The following SOX5 variants were observed in gnomAD, a reference collection of about 807,000 sequenced individuals.
SOX5 encodes transcription factor SOX-5.
Under a neutral mutation model 92.0 loss-of-function variants are expected in SOX5, and 9 were observed. The observed-to-expected ratio is 0.10, with a 90% CI of 0.06 to 0.17. The LOEUF (loss-of-function observed/expected upper bound fraction) is 0.17. Ranked by LOEUF, SOX5 falls within the 10% of genes least tolerant of loss-of-function variation. The pLI, the probability that SOX5 is intolerant of heterozygous loss-of-function variation, is 1.00. For synonymous variants in SOX5, 344 were observed against 336.3 expected, an observed-to-expected ratio of 1.02 and a Z score of -0.25; for missense variants, 642 against 944.5, an observed-to-expected ratio of 0.68 and a Z score of 4.20.
chr12:23,927,047 C>T (rs565143638), intron 1 of SOX5, among the ~76,000 whole-genome samples: 1 of 151,948 alleles, frequency 6.6e-6, no homozygotes, highest in Admixed American at 6.6e-5. Flanking sequence ...TTAGAACAAC[C>T]ACTATTAGAG....
chr12:23,653,023 TACAG>T (rs2081831849), intron 7 of SOX5, among the ~76,000 whole-genome samples: 1 of 95,084 alleles, frequency 1.1e-5, no homozygotes, highest in Admixed American at 1.0e-4. Flanking sequence ...TGGATGAATG[TACAG>T]ATAGATGGAT....
At chr12:23,945,836 T>G (rs762462420) in intron 1 of SOX5, among the ~76,000 whole-genome samples, 1 of 152,098 alleles carries the variant, frequency 6.6e-6, no homozygotes, top group Admixed American at 6.6e-5. Context: ...AACGGATTTT[T>G]TTGTTGTTGT....
chr12:24,321,823 CG>C (rs1050591123), intron 2 of SOX5, among the ~76,000 whole-genome samples: 3 of 151,912 alleles, frequency 2.0e-5, no homozygotes, highest in African/African-American at 7.3e-5. Flanking sequence ...AGAAATTAAG[CG>C]GGGGAAAAGT....
chr12:24,298,799 A>AAAAAAATAAATTTTTTT (rs1374379736), intron 2 of SOX5, among the ~76,000 whole-genome samples: 1 of 123,214 alleles, frequency 8.1e-6, no homozygotes, highest in Non-Finnish European at 2.0e-5. Flanking sequence ...AAAAAAAAAA[A>AAAAAAATAAATTTTTTT]ACTACATTTT....
intron 8 of SOX5, among the ~76,000 whole-genome samples, chr12:23,625,523 A>G (rs1318447110): frequency 9.2e-5 from 14 of 152,196 alleles, no homozygotes; most frequent in Non-Finnish European, 2.9e-5. Flanking sequence ...CATCCTTGCC[A>G]CTTGAAATCC....
At chr12:24,130,895 T>G (rs1366749992) in intron 4 of SOX5, among the ~76,000 whole-genome samples, 1 of 152,124 alleles carries the variant, frequency 6.6e-6, no homozygotes, top group African/African-American at 2.4e-5. Context: ...ACATACCAGC[T>G]CCATATTCCT....
At chr12:23,906,574 A>G (rs2138193182) in intron 1 of SOX5, among the ~76,000 whole-genome samples, 1 of 152,328 alleles carries the variant, frequency 6.6e-6, no homozygotes, top group East Asian at 1.9e-4. Flanking sequence ...GAGTTTCCCC[A>G]GATGCTCGGC....
chr12:23,578,146 A>AAAAAAAAC (rs1565984217), intron 9 of SOX5, among the ~76,000 whole-genome samples: 1 of 137,320 alleles, frequency 7.3e-6, no homozygotes, highest in Non-Finnish European at 1.6e-5. Flanking sequence ...AAAAAAAAAA[A>AAAAAAAAC]AAAACTATAG....
intron 4 of SOX5, among the ~76,000 whole-genome samples, chr12:24,007,215 A>T (rs1388628757): frequency 2.8e-5 from 1 of 35,960 alleles, no homozygotes; most frequent in African/African-American, 8.4e-5. Context: ...TTATATATAT[A>T]AATGTATATA....
intron 2 of SOX5, among the ~76,000 whole-genome samples, chr12:23,851,583 T>C (rs988126789): frequency 6.6e-6 from 1 of 152,168 alleles, no homozygotes; most frequent in African/African-American, 2.4e-5. Context: ...GTGTTTGTTA[T>C]AGTAATGATT....
chr12:23,921,932 A>G (rs1019838681), intron 1 of SOX5, among the ~76,000 whole-genome samples: 9 of 152,178 alleles, frequency 5.9e-5, no homozygotes, highest in African/African-American at 2.2e-4. Flanking sequence ...TTTCAAAGTA[A>G]AACTCCCTCA....
intron 4 of SOX5, among the ~76,000 whole-genome samples, chr12:23,997,654 T>C (rs907952898): frequency 6.6e-6 from 1 of 152,290 alleles, no homozygotes; most frequent in Non-Finnish European, 1.5e-5. Context: ...TCATAAACTA[T>C]CTGAACTTTC....
At chr12:24,000,320 C>G (rs1232524115) in intron 4 of SOX5, among the ~76,000 whole-genome samples, 1 of 151,742 alleles carries the variant, frequency 6.6e-6, no homozygotes, top group Non-Finnish European at 1.5e-5. Flanking sequence ...TCTCTCCAAA[C>G]TGTTTTAACA....
chr12:23,868,020 C>T (rs920437675), intron 2 of SOX5, among the ~76,000 whole-genome samples: 4 of 151,732 alleles, frequency 2.6e-5, no homozygotes, highest in East Asian at 1.9e-4. Context: ...TTTCTTCCTT[C>T]CTCCCTTTTT....
intron 4 of SOX5, among the ~76,000 whole-genome samples, chr12:24,137,632 AAAAAACAAAAAC>A (rs756423096): frequency 5.3e-5 from 8 of 152,258 alleles, no homozygotes; most frequent in African/African-American, 7.2e-5. Flanking sequence ...CTCCGTCTCA[AAAAAACAAAAAC>A]AAAAACAAAA....
chr12:23,708,109 T>A (rs1159726042), intron 6 of SOX5, among the ~76,000 whole-genome samples: 1 of 151,752 alleles, frequency 6.6e-6, no homozygotes, highest in Non-Finnish European at 1.5e-5. Context: ...AGTAGGACCA[T>A]AAAAGAAGCA....
At chr12:24,245,391 A>G (rs1359169951) in intron 3 of SOX5, among the ~76,000 whole-genome samples, 3 of 152,108 alleles carry the variant, frequency 2.0e-5, no homozygotes, top group Non-Finnish European at 4.4e-5. Flanking sequence ...AAAATAGGAA[A>G]CAATTTTTAA....
intron 9 of SOX5, among the ~76,000 whole-genome samples, chr12:23,587,899 C>A (rs1403147226): frequency 1.3e-5 from 2 of 152,116 alleles, no homozygotes; most frequent in East Asian, 3.9e-4. Flanking sequence ...ATGAATCCAT[C>A]CCAGGTTTAT....
chr12:23,892,734 G>A (rs888053052), intron 2 of SOX5, among the ~76,000 whole-genome samples: 2 of 152,170 alleles, frequency 1.3e-5, no homozygotes, highest in Non-Finnish European at 2.9e-5. Flanking sequence ...TATAAGTGCT[G>A]ATGTCACTAA....
Sources: gnomAD v4.1 joint callset for allele counts (sites outside exome capture counted in the v4.1 genomes callset) on GRCh38, gnomAD v4.1.1 for gene constraint, MANE v1.5 for transcripts, NCBI Gene and HGNC (gene_info 2026-07-23, HGNC 2026-07-21) for gene names.